The following RYR2 variants were observed in gnomAD, a reference collection of about 807,000 sequenced individuals.
RYR2 encodes ryanodine receptor 2, also known as cardiac muscle ryanodine receptor-calcium release channel.
In RYR2, 227 loss-of-function variants were observed where a neutral mutation model predicts 601.1. That is an observed-to-expected ratio of 0.38 (90% CI 0.34 to 0.42). RYR2 has a LOEUF of 0.42. RYR2 is among the 10% of genes least tolerant of loss of function. RYR2 has a pLI of 1.00. For synonymous variants in RYR2, 2,223 were observed against 2,175.1 expected (o/e 1.02, Z -0.61); for missense variants, 4,646 against 6,156.5 (o/e 0.75, Z 8.21).
chr1:237,337,978 A>G, intron 3 of RYR2, among the ~76,000 whole-genome samples: 1 of 152,176 alleles, frequency 6.6e-6, no homozygotes, highest in East Asian at 1.9e-4. Flanking sequence ...CATTGCTTCC[A>G]GGGACTCTAG....
chr1:237,742,238 C>T (rs558841051), intron 79 of RYR2, 58 bp from the exon 80 acceptor site: 2 of 1,156,890 alleles, frequency 1.7e-6, no homozygotes, highest in South Asian at 1.4e-5. Flanking sequence ...TGTTCTTTTG[C>T]ACTTTCTAAA....
chr1:237,527,958 C>A (rs1667755376), intron 24 of RYR2, among the ~76,000 whole-genome samples: 1 of 152,146 alleles, frequency 6.6e-6, no homozygotes, highest in African/African-American at 2.4e-5. Context: ...ATCGCTTTGT[C>A]CCCCTGGCCC....
chr1:237,458,816 A>C (rs747177862), intron 16 of RYR2, among the ~76,000 whole-genome samples: 41 of 152,354 alleles, frequency 2.7e-4, no homozygotes, highest in Non-Finnish European at 3.5e-4. Context: ...TTTACAATCT[A>C]ATTAAATGTC....
intron 2 of RYR2, among the ~76,000 whole-genome samples, chr1:237,283,950 C>T (rs1423934231): frequency 1.3e-5 from 2 of 152,200 alleles, no homozygotes; most frequent in African/African-American, 4.8e-5. Context: ...TATCCCTCAT[C>T]CTCCTTCCAC....
chr1:237,191,365 T>A (rs1679948669), intron 1 of RYR2, among the ~76,000 whole-genome samples: 1 of 152,236 alleles, frequency 6.6e-6, no homozygotes, highest in South Asian at 2.1e-4. Context: ...TTGCTCTTTT[T>A]CAATATTTTT....
intron 64 of RYR2, 67 bp downstream of exon 64, chr1:237,699,092 T>A (rs185721140): frequency 1.4e-6 from 1 of 734,668 alleles, no homozygotes; most frequent in South Asian, 2.2e-5. Flanking sequence ...TATAAGAATA[T>A]TAAGAAGGAC....
chr1:237,350,008 A>C (rs1191158060), intron 3 of RYR2, among the ~76,000 whole-genome samples: 1 of 152,152 alleles, frequency 6.6e-6, no homozygotes, highest in Non-Finnish European at 1.5e-5. Flanking sequence ...CTATATAAAG[A>C]GAACATGAGA....
intron 1 of RYR2, among the ~76,000 whole-genome samples, chr1:237,107,518 T>TAAAAAAAAAAAAA: frequency 5.4e-4 from 2 of 3,694 alleles, no homozygotes; most frequent in Non-Finnish European, 0.019. Context: ...AGACTCCATC[T>TAAAAAAAAAAAAA]CAAAAAAAAA....
chr1:237,370,618 A>G (rs1289105062), intron 6 of RYR2, among the ~76,000 whole-genome samples: 2 of 151,800 alleles, frequency 1.3e-5, no homozygotes, highest in Non-Finnish European at 2.9e-5. Flanking sequence ...TCAAGGGTCA[A>G]CTGTATATAA....
In RYR2 at chr1:237,549,628, CTTT is replaced by C. The variant is rs57579159; in HGVS notation, c.3067-890_3067-888del. The stretch of plus-strand genomic sequence containing the variant: ...AACCCCTGTGTGATTCCATAGCTTT[CTTT>C]TTTTTTTTTTTTTTTTTTTTTTTTT... On this transcript the variant is annotated intron_variant, in intron 26 of 104. Transcript: ENST00000366574. 8.9e-3 allele frequency among the ~76,000 whole-genome samples: 695 copies of C among 77,698 alleles called. 4 individuals are homozygous for C. Among genetic ancestry groups the C allele is most frequent in the African/African-American group, 0.032 (606 of 19,022 alleles). The allele number at this position is 77,698 out of a possible 152,430, so 51.0% of individuals were successfully genotyped here.
intron 17 of RYR2, among the ~76,000 whole-genome samples, chr1:237,490,036 T>G (rs1360601049): frequency 2.6e-5 from 4 of 152,174 alleles, no homozygotes; most frequent in African/African-American, 7.2e-5. Flanking sequence ...TACAGCAACA[T>G]GGATGCAACT....
At chr1:237,529,140 G>T (rs1667865816) in intron 24 of RYR2, among the ~76,000 whole-genome samples, 1 of 152,140 alleles carries the variant, frequency 6.6e-6, no homozygotes, top group Admixed American at 6.5e-5. Flanking sequence ...GAGGGTGCTG[G>T]TAAAATCTTC....
At chr1:237,734,795 C>T (rs1690996583) in intron 79 of RYR2, among the ~76,000 whole-genome samples, 1 of 152,136 alleles carries the variant, frequency 6.6e-6, no homozygotes, top group Admixed American at 6.6e-5. Flanking sequence ...GTTAAAGATG[C>T]CTGTGAGACA....
At chr1:237,246,500 T>C (rs571227954) in intron 1 of RYR2, among the ~76,000 whole-genome samples, 169 of 152,284 alleles carry the variant, frequency 1.1e-3, no homozygotes, top group African/African-American at 3.9e-3. Flanking sequence ...TTTCTTTTCA[T>C]GGGGTCTTGC....
chr1:237,719,352 A>G (rs1056882935), intron 73 of RYR2, among the ~76,000 whole-genome samples: 3 of 152,204 alleles, frequency 2.0e-5, no homozygotes, highest in Non-Finnish European at 2.9e-5. Context: ...TTGCTTTACT[A>G]TATAGAAATA....
At chr1:237,777,666 C>G (rs1020113836) in intron 87 of RYR2, among the ~76,000 whole-genome samples, 1 of 152,150 alleles carries the variant, frequency 6.6e-6, no homozygotes, top group Non-Finnish European at 1.5e-5. Flanking sequence ...AGTCTGCGTG[C>G]TACAGCGGAT....
At chr1:237,125,458 C>T (rs572931585) in intron 1 of RYR2, among the ~76,000 whole-genome samples, 7 of 150,984 alleles carry the variant, frequency 4.6e-5, no homozygotes, top group South Asian at 4.2e-4. Flanking sequence ...TAGATCCTTA[C>T]TGCTTCATTC....
chr1:237,592,858 T>C (rs2148453607), intron 32 of RYR2, among the ~76,000 whole-genome samples: 1 of 151,478 alleles, frequency 6.6e-6, no homozygotes, highest in Admixed American at 6.6e-5. Context: ...CCGTCTTTAC[T>C]AAAAATATAA....
At chr1:237,127,602 G>A (rs1203815710) in intron 1 of RYR2, among the ~76,000 whole-genome samples, 102 of 151,744 alleles carry the variant, frequency 6.7e-4, no homozygotes, top group African/African-American at 2.2e-3. Flanking sequence ...GTGGCTGCCG[G>A]GCGGAGACGC....
Sources: gnomAD v4.1 joint callset for allele counts (sites outside exome capture counted in the v4.1 genomes callset) on GRCh38, gnomAD v4.1.1 for gene constraint, MANE v1.5 for transcripts, NCBI Gene and HGNC (gene_info 2026-07-23, HGNC 2026-07-21) for gene names.